Variants in C14orf132 observed in about 807,000 individuals in gnomAD.
C14orf132 encodes uncharacterized protein C14orf132.
A neutral mutation model predicts 5.8 loss-of-function variants in C14orf132; 6 were observed. The ratio of observed to expected loss-of-function variants is 1.03; its 90% confidence interval spans 0.57 to 2.04. The LOEUF (loss-of-function observed/expected upper bound fraction) is 2.04, where lower values mean the gene tolerates loss of function less well. Among genes scored for constraint, C14orf132 ranks in the 30% most tolerant of loss-of-function variants. The pLI, the probability that C14orf132 is intolerant of heterozygous loss-of-function variation, is 0.00. For missense variants in C14orf132, 125 were observed against 115.8 expected, an observed-to-expected ratio of 1.08 and a Z score of -0.37; for synonymous variants, 51 against 49.8, an observed-to-expected ratio of 1.02 and a Z score of -0.10.
In C14orf132 at chr14:96,090,955, T is replaced by G. The variant is rs1456013728; in HGVS notation, c.*4220T>G. The G allele has an allele frequency of 2.2e-6, 1 of 456,158 alleles. No homozygotes were observed. Among genetic ancestry groups the G allele is most frequent in the Admixed American group, 2.3e-5 (1 of 42,584 alleles). 28.3% of individuals were successfully genotyped at this position (456,158 alleles called of 1,614,324 possible). ...TAGCAGTAATATTATTCCCAGTTAT[T>G]ATTCTTACCGGTGCCAGTTTTGCAC... On this transcript the variant is annotated 3_prime_UTR_variant, in exon 2 of 2. Coordinates refer to ENST00000555004, the MANE Select transcript of C14orf132 (RefSeq NM_001252507.3).
intron 1 of C14orf132, among the ~76,000 whole-genome samples, chr14:96,078,001 C>T (rs561029950): frequency 6.6e-6 from 1 of 152,388 alleles, no homozygotes; most frequent in South Asian, 2.1e-4. Flanking sequence ...CTGGGTTCCC[C>T]TGACACTGTC....
At chr14:96,054,693 G>C (rs11160304) in intron 1 of C14orf132, among the ~76,000 whole-genome samples, 5 of 152,014 alleles carry the variant, frequency 3.3e-5, no homozygotes, top group Non-Finnish European at 7.4e-5. Context: ...CTTTTTTTGG[G>C]CTAAATGTAG....
At chr14:96,040,666 G>A (rs1886667513) in intron 1 of C14orf132, among the ~76,000 whole-genome samples, 1 of 152,118 alleles carries the variant, frequency 6.6e-6, no homozygotes, top group East Asian at 1.9e-4. Context: ...CCCCAAGTTA[G>A]TTCTGGGGGT....
At chr14:96,075,472 G>T (rs1887834455) in intron 1 of C14orf132, among the ~76,000 whole-genome samples, 2 of 152,096 alleles carry the variant, frequency 1.3e-5, no homozygotes, top group African/African-American at 4.8e-5. Context: ...GAGTGGTGAG[G>T]TTAGACATCC....
intron 1 of C14orf132, among the ~76,000 whole-genome samples, chr14:96,041,102 C>T (rs1250627971): frequency 6.6e-6 from 1 of 152,190 alleles, no homozygotes; most frequent in Admixed American, 6.5e-5. Flanking sequence ...GTTTACAATT[C>T]ACATTCCACT....
chr14:96,072,328 G>A (rs1002305711), intron 1 of C14orf132, among the ~76,000 whole-genome samples: 1 of 152,150 alleles, frequency 6.6e-6, no homozygotes, highest in South Asian at 2.1e-4. Flanking sequence ...ATGTGGTTTG[G>A]GGTCCAGCCT....
chr14:96,050,149 A>T lies in C14orf132; in HGVS notation c.27+10622A>T, dbSNP rs569048100. Among the ~76,000 whole-genome samples the T allele has an allele frequency of 5.0e-4, 76 of 152,282 alleles. No homozygotes were observed. The South Asian group carries it at 0.013, about 26-fold the overall frequency. On this transcript the variant is annotated intron_variant, in intron 1 of 1. Transcript: ENST00000555004. ...TTCCTGCTGCTTTACATGCCTGATA[A>T]TTCTTGGTTGGATGCCAAACATTGT...
At chr14:96,052,446 C>T (rs1887057402) in intron 1 of C14orf132, among the ~76,000 whole-genome samples, 1 of 152,264 alleles carries the variant, frequency 6.6e-6, no homozygotes, top group South Asian at 2.1e-4. Flanking sequence ...ACCATCAGGG[C>T]ATCCCTCCCT....
At chr14:96,057,553 G>A (rs543072714) in intron 1 of C14orf132, among the ~76,000 whole-genome samples, 2 of 152,296 alleles carry the variant, frequency 1.3e-5, no homozygotes, top group Admixed American at 1.3e-4. Context: ...CTACTGGAAT[G>A]GTTCAGGCTG....
rs140572643 is a variant in C14orf132 at position 96,047,634 on chromosome 14, TC to T, written c.27+8109del. On this transcript the variant is annotated intron_variant, in intron 1 of 1. Coordinates refer to ENST00000555004, the MANE Select transcript of C14orf132 (RefSeq NM_001252507.3). ...GCCCCTTGGAATAGGCACATTCAGA[TC>T]CATTTTATAGGTGAGGAAACTGAGG... Among the ~76,000 whole-genome samples the T allele has an allele frequency of 7.9e-5, 12 of 152,308 alleles. No individual in the cohort carries two copies. The East Asian group carries it at 2.1e-3, about 27-fold the overall frequency.
chr14:96,043,021 C>T (rs1332505873), intron 1 of C14orf132, among the ~76,000 whole-genome samples: 2 of 152,236 alleles, frequency 1.3e-5, no homozygotes, highest in Admixed American at 6.5e-5. Context: ...GGCAGGATCA[C>T]GCATGTTCAA....
rs929735292 is a variant in C14orf132, at chr14:96,090,855, T to G, written c.*4120T>G. On this transcript the variant is annotated 3_prime_UTR_variant, in exon 2 of 2. Transcript: ENST00000555004. ...AAGAGGCTCAGTGGAGTCTGTCTGT[T>G]GTCAGCACTGCTGCCTGATCCCTGC... 2 of 456,008 alleles carry G rather than the reference T, an allele frequency of 4.4e-6. No homozygotes were observed. The highest frequency in any genetic ancestry group is 4.0e-5 in the African/African-American group (2 of 50,090). The allele number at this position is 456,008 out of a possible 1,614,324, so 28.2% of individuals were successfully genotyped here.
At chr14:96,084,343 G>T (rs1352807011) in intron 1 of C14orf132, among the ~76,000 whole-genome samples, 2 of 150,026 alleles carry the variant, frequency 1.3e-5, no homozygotes, top group South Asian at 2.1e-4. Context: ...GAGGAAAAAA[G>T]CACAGCTTCT....
intron 1 of C14orf132, among the ~76,000 whole-genome samples, chr14:96,072,884 A>G (rs925151473): frequency 6.6e-6 from 1 of 152,240 alleles, no homozygotes; most frequent in African/African-American, 2.4e-5. Flanking sequence ...TTACCAGTTG[A>G]AAGTCATTCG....
chr14:96,072,069 T>C (rs1367042001), intron 1 of C14orf132, among the ~76,000 whole-genome samples: 2 of 152,172 alleles, frequency 1.3e-5, no homozygotes, highest in African/African-American at 4.8e-5. Flanking sequence ...CAAGTCGGAA[T>C]GGCCATCAGG....
intron 1 of C14orf132, among the ~76,000 whole-genome samples, chr14:96,068,075 T>A (rs1020055188): frequency 6.6e-6 from 1 of 152,192 alleles, no homozygotes; most frequent in Non-Finnish European, 1.5e-5. Context: ...CACCTCATTG[T>A]AAATTGAAGA....
intron 1 of C14orf132, among the ~76,000 whole-genome samples, chr14:96,070,869 A>T (rs904000803): frequency 6.6e-6 from 1 of 152,132 alleles, no homozygotes; most frequent in African/African-American, 2.4e-5. Flanking sequence ...TCCCTAGGGT[A>T]GTAGGGTCTC....
intron 1 of C14orf132, among the ~76,000 whole-genome samples, chr14:96,041,242 T>G (rs1886687154): frequency 1.3e-5 from 2 of 152,224 alleles, no homozygotes; most frequent in South Asian, 4.1e-4. Context: ...GAGCACCTAC[T>G]ATGTGCCAGA....
In C14orf132 at chr14:96,086,601, G is replaced by C; in HGVS notation, c.118G>C (p.Ala40Pro). Reference protein sequence around the residue: ...SLFNSSANVHAAANGQGQPED... With the variant: ...SLFNSSANVHPAANGQGQPED... The stretch of plus-strand genomic sequence containing the variant: ...GTTTAACTCCTCTGCCAATGTCCAC[G>C]CGGCTGCCAATGGCCAGGGCCAGCC... The change falls in exon 2 of 2, where the codon GCG becomes CCG. Residue 40 changes from alanine to proline, a missense_variant. Transcript: ENST00000555004. 1 of 1,536,114 alleles carries C rather than the reference G, an allele frequency of 6.5e-7. No individual in the cohort carries two copies. Among genetic ancestry groups the C allele is most frequent in the Non-Finnish European group, 8.7e-7 (1 of 1,146,910 alleles).
Sources: allele counts gnomAD v4.1 joint callset (sites outside exome capture counted in the v4.1 genomes callset), GRCh38; gene constraint gnomAD v4.1.1; transcripts MANE v1.5; gene names NCBI Gene and HGNC (gene_info 2026-07-23, HGNC 2026-07-21).